The following TBL3 variants were observed in gnomAD, a reference collection of about 807,000 sequenced individuals.
TBL3 encodes the protein transducin beta-like protein 3.
TBL3 carries 71 observed loss-of-function variants against 102.7 expected under a neutral mutation model. The ratio of observed to expected loss-of-function variants is 0.69; its 90% CI spans 0.57 to 0.84. TBL3 has a LOEUF of 0.84. Ranked by LOEUF, TBL3 falls within the 40% of genes least tolerant of loss-of-function variation. The pLI is 0.00. For missense variants in TBL3, 1,188 were observed against 1,098.5 expected (o/e 1.08, Z -1.15); for synonymous variants, 578 against 477.7 (o/e 1.21, Z -2.74).
At position 1,979,197 on chromosome 16, in the gene TBL3, G is replaced by C. The variant is rs780018492; in HGVS notation, c.*512G>C. 1.2e-5 allele frequency: 18 copies of C among 1,462,932 alleles called. No homozygotes were observed. Among genetic ancestry groups the C allele is most frequent in the Non-Finnish European group, 1.6e-5 (18 of 1,115,494 alleles). 90.6% of individuals were successfully genotyped at this position (1,462,932 alleles called of 1,614,324 possible). A position where few individuals can be genotyped will look rare whatever the true frequency, so the allele number is the denominator to read the frequency against. On this transcript the variant is annotated 3_prime_UTR_variant, in exon 22 of 22. Transcript: ENST00000568546. ...CGGCGAAGGTCGGGTGGGCACGGTG[G>C]GGGGAGGGGCGGTGGCCTGGGAGGG...
Position 1,980,026 on chromosome 16 carries a change from C to A in TBL3, c.*1341C>A. The A allele has an allele frequency of 1.9e-6, 3 of 1,606,268 alleles. No individual in the cohort carries two copies. The highest frequency in any genetic ancestry group is 2.5e-6 in the Non-Finnish European group (3 of 1,177,686). On this transcript the variant is annotated 3_prime_UTR_variant, in exon 22 of 22. Coordinates refer to ENST00000568546, the MANE Select transcript of TBL3 (RefSeq NM_006453.3). The stretch of plus-strand genomic sequence containing the variant: ...GGGGTGCCGCAGCAGCACGTCCAGG[C>A]TCTCCTGGGCCTGCGCCTGAAAAGG...
At position 1,979,680 on chromosome 16, in the gene TBL3, C is replaced by T; in HGVS notation, c.*995C>T. Reference sequence around the variant, plus strand: ...ACCGGTTCGGGGCTTCCTCTAGGTGCGGAGACCAAGCACGGGCTCCTGGCC... The same window carrying T: ...ACCGGTTCGGGGCTTCCTCTAGGTGTGGAGACCAAGCACGGGCTCCTGGCC... On this transcript the variant is annotated 3_prime_UTR_variant, in exon 22 of 22. Coordinates refer to ENST00000568546, the MANE Select transcript of TBL3 (RefSeq NM_006453.3). 2 of 1,174,514 alleles carry T rather than the reference C, an allele frequency of 1.7e-6. No individual in the cohort carries two copies. Among genetic ancestry groups the T allele is most frequent in the South Asian group, 1.5e-5 (1 of 66,164 alleles). 72.8% of individuals were successfully genotyped at this position (1,174,514 alleles called of 1,614,324 possible).
rs1358171236 is a variant in TBL3, at chr16:1,975,177, G to A, written c.636-10G>A. 1.9e-6 allele frequency: 3 copies of A among 1,613,796 alleles called. No individual in the cohort carries two copies. Among genetic ancestry groups the A allele is most frequent in the Non-Finnish European group, 1.7e-6 (2 of 1,180,030 alleles). Reference sequence around the variant, plus strand: ...TAAGACTTGACCTGAGGTTGCCGTTGCTCCTTCAGCTCCGGCCGTGACAAG... The same window carrying A: ...TAAGACTTGACCTGAGGTTGCCGTTACTCCTTCAGCTCCGGCCGTGACAAG... On this transcript the variant is annotated splice_polypyrimidine_tract_variant and intron_variant, in intron 7 of 21. Coordinates refer to ENST00000568546, the MANE Select transcript of TBL3 (RefSeq NM_006453.3).
Position 1,976,906 on chromosome 16 carries a change from C to T in TBL3, c.1385C>T (p.Pro462Leu). Residue 462 changes from proline to leucine, a missense_variant, in exon 14 of 22, where the codon CCA becomes CTA. Coordinates refer to ENST00000568546, the MANE Select transcript of TBL3 (RefSeq NM_006453.3). ...GCCTTGCTGTCCAAGAACACAGCCCCAGACAACGGCCCTATCCTCCTGCAG... is the reference window on the plus strand; with the variant it reads ...GCCTTGCTGTCCAAGAACACAGCCCTAGACAACGGCCCTATCCTCCTGCAG... Reference protein sequence around the residue: ...PKALLSKNTAPDNGPILLQAQ... With the variant: ...PKALLSKNTALDNGPILLQAQ... The T allele has an allele frequency of 6.2e-7, 1 of 1,614,012 alleles. No individual in the cohort carries two copies. Among genetic ancestry groups the T allele is most frequent in the African/African-American group, 1.3e-5 (1 of 75,040 alleles).
Position 1,978,458 on chromosome 16 carries a change from G to C in TBL3, c.2280G>C (p.Leu760=). ...GCGTGCGGGCAGCGCTTGAGGCCCTGCTGCCCTACACTGGTATGTGGGCAC... is the reference window on the plus strand; with the variant it reads ...GCGTGCGGGCAGCGCTTGAGGCCCTCCTGCCCTACACTGGTATGTGGGCAC... ...YEGVRAALEA[L]LPYTERHFQR... is the part of the protein sequence containing the mutation. Residue 760 remains leucine, a synonymous_variant, in exon 21 of 22, where the codon CTG becomes CTC. Transcript: ENST00000568546. 1 of 1,606,516 alleles carries C rather than the reference G, an allele frequency of 6.2e-7. No individual in the cohort carries two copies. Among genetic ancestry groups the C allele is most frequent in the East Asian group, 2.2e-5 (1 of 44,812 alleles).
Position 1,980,960 on chromosome 16 carries a change from C to T in TBL3, c.*2275C>T. The T allele has an allele frequency of 6.2e-7, 1 of 1,613,018 alleles. No homozygotes were observed. Among genetic ancestry groups the T allele is most frequent in the Non-Finnish European group, 8.5e-7 (1 of 1,179,996 alleles). ...TCACCTTGAGCTGCCTGAATTCGTC[C>T]CAACTCCTGCGCACGAAGGTGTCGC... On this transcript the variant is annotated 3_prime_UTR_variant, in exon 22 of 22. Transcript: ENST00000568546.
rs1054312817 is a variant in TBL3 at position 1,972,163 on chromosome 16, A to C, written c.-2A>C. 6.2e-6 allele frequency: 9 copies of C among 1,457,402 alleles called. No homozygotes were observed. The highest frequency in any genetic ancestry group is 8.2e-6 in the Non-Finnish European group (9 of 1,104,212). 90.3% of individuals were successfully genotyped at this position (1,457,402 alleles called of 1,614,324 possible). ...TTCAGCTGGAGCGGCGGCGGCGGCAACATGGCAGAGACCGCGGCCGGAGTG... is the reference window on the plus strand; with the variant it reads ...TTCAGCTGGAGCGGCGGCGGCGGCACCATGGCAGAGACCGCGGCCGGAGTG... On this transcript the variant is annotated 5_prime_UTR_variant, in exon 1 of 22. Coordinates refer to ENST00000568546, the MANE Select transcript of TBL3 (RefSeq NM_006453.3).
At chr16:1,975,160 G>A in intron 7 of TBL3, 27 bp from the exon 8 acceptor site, 1 of 1,613,694 alleles carries the variant, frequency 6.2e-7, no homozygotes, top group Non-Finnish European at 8.5e-7. Flanking sequence ...GCTAAGACTT[G>A]ACCTGAGGTT....
chr16:1,974,861 T>G lies in TBL3; in HGVS notation c.464+14T>G, dbSNP rs777217623. The G allele has an allele frequency of 2.0e-5, 32 of 1,612,898 alleles. No individual in the cohort carries two copies. Among genetic ancestry groups the G allele is most frequent in the Non-Finnish European group, 2.5e-5 (30 of 1,179,910 alleles). On this transcript the variant is annotated intron_variant, in intron 6 of 21. Coordinates refer to ENST00000568546, the MANE Select transcript of TBL3 (RefSeq NM_006453.3). ...CGGTGTCGTGCAGTGAGTTGGAAGG[T>G]GGAGGGGGAGGGCAGAGGCACCACC...
In TBL3 at chr16:1,976,333, G is replaced by C. The variant is rs765587031; in HGVS notation, c.1292+19G>C. 5.6e-6 allele frequency: 9 copies of C among 1,603,150 alleles called. No individual in the cohort carries two copies. Among genetic ancestry groups the C allele is most frequent in the Non-Finnish European group, 6.8e-6 (8 of 1,173,952 alleles). On this transcript the variant is annotated intron_variant, in intron 13 of 21. Coordinates refer to ENST00000568546, the MANE Select transcript of TBL3 (RefSeq NM_006453.3). ...GCTCTAGGTAGTGAGTCGGGGCTGGGCCCAGGGGTGTCAGGGAGGTGGAGG... is the reference window on the plus strand; with the variant it reads ...GCTCTAGGTAGTGAGTCGGGGCTGGCCCCAGGGGTGTCAGGGAGGTGGAGG...
chr16:1,976,463 G>C (rs1441212111), intron 13 of TBL3, 149 bp downstream of exon 13: 2 of 712,020 alleles, frequency 2.8e-6, no homozygotes, highest in Non-Finnish European at 4.7e-6. Context: ...AACAGGACAG[G>C]AGAGTCCCTA....
rs1158354506 is a variant in TBL3 at position 1,978,602 on chromosome 16, G to A, written c.2344G>A (p.Asp782Asn). 2 of 1,612,836 alleles carry A rather than the reference G, an allele frequency of 1.2e-6. No homozygotes were observed. The highest frequency in any genetic ancestry group is 1.7e-6 in the Non-Finnish European group (2 of 1,179,882). Residue 782 changes from aspartate to asparagine, a missense_variant, in exon 22 of 22, where the codon GAC becomes AAC. Physicochemically the swap from Asp to Asn is conservative, Grantham distance 23. Coordinates refer to ENST00000568546, the MANE Select transcript of TBL3 (RefSeq NM_006453.3). ...GACCCTCCAGGCCGCCGCTTTCTTG[G>A]ACTTCCTGTGGCACAACATGAAGCT... ...SRTLQAAAFL[D>N]FLWHNMKLPV... is the part of the protein sequence containing the mutation.
In TBL3 at chr16:1,972,120, G is replaced by T. The variant is rs905315291; in HGVS notation, c.-45G>T. 6.1e-6 allele frequency: 9 copies of T among 1,469,728 alleles called. No individual in the cohort carries two copies. Among genetic ancestry groups the T allele is most frequent in the Non-Finnish European group, 7.2e-6 (8 of 1,108,534 alleles). The allele number at this position is 1,469,728 out of a possible 1,614,324, so 91.0% of individuals were successfully genotyped here. A position where few individuals can be genotyped will look rare whatever the true frequency, so the allele number is the denominator to read the frequency against. On this transcript the variant is annotated 5_prime_UTR_variant, in exon 1 of 22. Transcript: ENST00000568546. ...TAACCTCCCTCACGCGGCGGTGGCT[G>T]CCGGGACCCTAGCAGGTTTCAGCTG...
Position 1,976,240 on chromosome 16 carries a change from C to G in TBL3, c.1218C>G (p.Asn406Lys), listed in dbSNP as rs776427909. The change falls in exon 13 of 22, where the codon AAC (asparagine) becomes AAG (lysine). Residue 406 changes from asparagine to lysine, a missense_variant. Physicochemically the swap from Asn to Lys is moderately conservative, Grantham distance 94. Coordinates refer to ENST00000568546, the MANE Select transcript of TBL3 (RefSeq NM_006453.3). ...AGAGCGTCCGTATCTGGAGAATGAA[C>G]AAGGCTGGCCAGGTGATGTGCGTGG... ...KDQSVRIWRM[N>K]KAGQVMCVAQ... 2 of 1,614,182 alleles carry G rather than the reference C, an allele frequency of 1.2e-6. No individual in the cohort carries two copies. The highest frequency in any genetic ancestry group is 1.7e-6 in the Non-Finnish European group (2 of 1,180,034).
In TBL3 at chr16:1,979,424, C is replaced by A. The variant is rs758278192; in HGVS notation, c.*739C>A. 6.2e-6 allele frequency: 10 copies of A among 1,607,996 alleles called. No homozygotes were observed. Among genetic ancestry groups the A allele is most frequent in the Non-Finnish European group, 8.5e-6 (10 of 1,178,826 alleles). ...CCCTGCCCACGCCCGCTCCCGCGTACCTGCATAGCCACCAGCCGCGGTCTG... is the reference window on the plus strand; with the variant it reads ...CCCTGCCCACGCCCGCTCCCGCGTAACTGCATAGCCACCAGCCGCGGTCTG... On this transcript the variant is annotated 3_prime_UTR_variant, in exon 22 of 22. Transcript: ENST00000568546.
In TBL3 at chr16:1,980,481, T is replaced by A; in HGVS notation, c.*1796T>A. 1 of 1,602,536 alleles carries A rather than the reference T, an allele frequency of 6.2e-7. No individual in the cohort carries two copies. Among genetic ancestry groups the A allele is most frequent in the Non-Finnish European group, 8.5e-7 (1 of 1,179,756 alleles). On this transcript the variant is annotated 3_prime_UTR_variant, in exon 22 of 22. Coordinates refer to ENST00000568546, the MANE Select transcript of TBL3 (RefSeq NM_006453.3). ...CGCCAGCAGCCTCCGAGAATAGGTT[T>A]CCAACAGCTGCAGGCGCGCCAGGCC...
At chr16:1,977,826 C>T in intron 18 of TBL3, 26 bp downstream of exon 18, 1 of 1,559,710 alleles carries the variant, frequency 6.4e-7, no homozygotes, top group Non-Finnish European at 8.7e-7. Context: ...TGGCGCCCCT[C>T]CCCGCATCAG....
intron 1 of TBL3, 28 bp from the exon 2 acceptor site, chr16:1,974,028 G>A: frequency 6.6e-7 from 1 of 1,526,634 alleles, no homozygotes; most frequent in Non-Finnish European, 8.8e-7. Flanking sequence ...GGTGGGTGGT[G>A]CTCATTCGCC....
At chr16:1,975,303 G>T in intron 8 of TBL3, 41 bp downstream of exon 8, 1 of 1,613,964 alleles carries the variant, frequency 6.2e-7, no homozygotes, top group Non-Finnish European at 8.5e-7. Context: ...AGTTGGGTGG[G>T]GAGGGGGCAT....
Sources: gnomAD v4.1 joint callset for allele counts on GRCh38, gnomAD v4.1.1 for gene constraint, MANE v1.5 for transcripts, NCBI Gene and HGNC (gene_info 2026-07-23, HGNC 2026-07-21) for gene names.